RNF130: variants seen among roughly 807,000 people sequenced by gnomAD.
The protein encoded by RNF130 is E3 ubiquitin-protein ligase RNF130.
RNF130 carries 21 observed loss-of-function variants against 44.6 expected under a neutral mutation model. The observed-to-expected ratio is 0.47, with a 90% CI of 0.33 to 0.68. RNF130 has a LOEUF of 0.68. Ranked by LOEUF, RNF130 falls within the 30% of genes least tolerant of loss-of-function variation. The pLI, the probability that RNF130 is intolerant of heterozygous loss-of-function variation, is 0.02. For synonymous variants in RNF130, 214 were observed against 210.4 expected, an observed-to-expected ratio of 1.02 and a Z score of -0.15; for missense variants, 479 against 560.6, an observed-to-expected ratio of 0.85 and a Z score of 1.47.
At chr5:180,002,756 C>T (rs900977598) in intron 3 of RNF130, among the ~76,000 whole-genome samples, 4 of 152,142 alleles carry the variant, frequency 2.6e-5, no homozygotes, top group African/African-American at 9.7e-5. Context: ...CTATCTCAAA[C>T]GTCTGTGCTC....
chr5:179,926,102 G>C (rs540804603), intron 7 of RNF130, among the ~76,000 whole-genome samples: 38 of 152,180 alleles, frequency 2.5e-4, no homozygotes, highest in Non-Finnish European at 3.4e-4. Context: ...AGGCAACTTA[G>C]GGTCTGGTAG....
chr5:179,991,283 G>A (rs1432050146), intron 3 of RNF130, among the ~76,000 whole-genome samples: 1 of 152,114 alleles, frequency 6.6e-6, no homozygotes, highest in Non-Finnish European at 1.5e-5. Context: ...ATATGTCATG[G>A]TGAAGTCTTT....
intron 2 of RNF130, among the ~76,000 whole-genome samples, chr5:180,031,651 T>C (rs960908579): frequency 3.3e-5 from 5 of 152,246 alleles, no homozygotes; most frequent in African/African-American, 9.6e-5. Context: ...TATTCACCAG[T>C]TGATGAACAA....
intron 8 of RNF130, among the ~76,000 whole-genome samples, chr5:179,958,525 TC>T (rs1191815870): frequency 6.6e-6 from 1 of 152,144 alleles, no homozygotes; most frequent in Non-Finnish European, 1.5e-5. Context: ...AGAGGGACCC[TC>T]AGCACAGGAC....
At chr5:180,050,671 A>C (rs1278414855) in intron 1 of RNF130, among the ~76,000 whole-genome samples, 1 of 152,108 alleles carries the variant, frequency 6.6e-6, no homozygotes, top group Admixed American at 6.5e-5. Flanking sequence ...TTCAATGAGG[A>C]TCTGTTAGGT....
In RNF130 at chr5:179,957,863, A is replaced by T. The variant is rs992065806; in HGVS notation, c.1245-2194T>A. Among the ~76,000 whole-genome samples, 5 of 146,808 alleles carry T rather than the reference A, an allele frequency of 3.4e-5. No homozygotes were observed. The Admixed American group carries it at 3.5e-4, about 10-fold the overall frequency. On this transcript the variant is annotated intron_variant, in intron 8 of 8. Coordinates refer to ENST00000521389, the MANE Select transcript of RNF130 (RefSeq NM_018434.6). ...GTGAGCAAAAGGTTATCAGGTTGAG[A>T]ACTAAAAATTCAAAATTCTTTTTTT... is the stretch of plus-strand genomic sequence containing the variant.
At chr5:179,983,952 T>C (rs192036236) in intron 3 of RNF130, among the ~76,000 whole-genome samples, 1 of 152,336 alleles carries the variant, frequency 6.6e-6, no homozygotes, top group Non-Finnish European at 1.5e-5. Flanking sequence ...TCTTGTTATG[T>C]TGCCCAGGCT....
intron 5 of RNF130, among the ~76,000 whole-genome samples, chr5:179,973,063 A>T (rs540157561): frequency 6.6e-6 from 1 of 151,998 alleles, no homozygotes; most frequent in African/African-American, 2.4e-5. Context: ...TTTGGTCTTT[A>T]AAAAAAAGTT....
chr5:179,940,532 C>T (rs1582130837), intron 7 of RNF130, among the ~76,000 whole-genome samples: 1 of 152,086 alleles, frequency 6.6e-6, no homozygotes, highest in Admixed American at 6.6e-5. Context: ...CCACTGTGCC[C>T]GGCCCAAATT....
intron 7 of RNF130, among the ~76,000 whole-genome samples, chr5:179,928,250 C>T (rs1040131701): frequency 9.2e-5 from 14 of 152,124 alleles, no homozygotes; most frequent in Admixed American, 3.9e-4. Flanking sequence ...ATATTTTCAG[C>T]GTCAGCAGAC....
chr5:179,928,949 GA>G (rs1305836706), intron 7 of RNF130, among the ~76,000 whole-genome samples: 9 of 152,140 alleles, frequency 5.9e-5, no homozygotes, highest in African/African-American at 2.2e-4. Flanking sequence ...GTATTTTGAT[GA>G]GCAAAATTTC....
downstream of RNF130, among the ~76,000 whole-genome samples, chr5:179,953,349 C>T (rs79155895): frequency 7.8e-3 from 1,171 of 149,864 alleles, 15 homozygotes; most frequent in African/African-American, 0.027. Context: ...TTCTAAAATT[C>T]ATGCAAGGGA....
intron 3 of RNF130, among the ~76,000 whole-genome samples, chr5:179,985,272 A>T (rs1762929046): frequency 6.6e-6 from 1 of 150,796 alleles, no homozygotes; most frequent in African/African-American, 2.4e-5. Context: ...TCTCCCATAG[A>T]AATCTTTTGT....
At chr5:179,978,101 G>A in intron 5 of RNF130, 102 bp downstream of exon 5, 2 of 965,648 alleles carry the variant, frequency 2.1e-6, no homozygotes, top group Non-Finnish European at 3.3e-6. Flanking sequence ...AGAAAGCCAC[G>A]AGGTGGGTGG....
intron 3 of RNF130, among the ~76,000 whole-genome samples, chr5:180,010,889 A>G (rs984516933): frequency 1.3e-5 from 2 of 152,188 alleles, no homozygotes; most frequent in African/African-American, 2.4e-5. Context: ...ACATACACAA[A>G]TAAGTACACA....
chr5:180,022,127 CT>C (rs993369095), intron 2 of RNF130, among the ~76,000 whole-genome samples: 1 of 151,988 alleles, frequency 6.6e-6, no homozygotes, highest in East Asian at 1.9e-4. Flanking sequence ...CGGCCGAGAG[CT>C]TTTTTTTATT....
At chr5:180,003,788 A>G (rs1356454318) in intron 3 of RNF130, among the ~76,000 whole-genome samples, 1 of 152,208 alleles carries the variant, frequency 6.6e-6, no homozygotes, top group African/African-American at 2.4e-5. Flanking sequence ...ACTTTTTATT[A>G]AAGTCTCTTA....
chr5:179,940,026 C>A (rs9329090), intron 7 of RNF130: 3,353 of 223,274 alleles, frequency 0.015, 87 homozygotes, highest in East Asian at 0.082. Flanking sequence ...CTCTCTGCTT[C>A]TTCTTTAGTC....
At chr5:180,016,133 C>T (rs12653944) in intron 2 of RNF130, among the ~76,000 whole-genome samples, 102,108 of 151,806 alleles carry the variant, frequency 0.67, 34,634 homozygotes, top group African/African-American at 0.75. Context: ...GACAGCAGAA[C>T]GAAAGCCCGC....
Sources: allele counts gnomAD v4.1 joint callset (sites outside exome capture counted in the v4.1 genomes callset), GRCh38; gene constraint gnomAD v4.1.1; transcripts MANE v1.5; gene names NCBI Gene and HGNC (gene_info 2026-07-23, HGNC 2026-07-21).